Variants in HPSE2 observed in about 807,000 individuals in gnomAD.
The protein encoded by HPSE2 is heparanase 2 (inactive).
Under a neutral mutation model 60.5 loss-of-function variants are expected in HPSE2, and 38 were observed. The observed-to-expected ratio is 0.63, with a 90% CI of 0.48 to 0.82. The LOEUF is 0.82. HPSE2 is among the 40% of genes least tolerant of loss of function. HPSE2 has a pLI of 0.00. For missense variants in HPSE2, 713 were observed against 740.4 expected, an observed-to-expected ratio of 0.96 and a Z score of 0.43; for synonymous variants, 295 against 293.2, an observed-to-expected ratio of 1.01 and a Z score of -0.06.
chr10:98,814,326 T>C (rs1951236784), intron 3 of HPSE2, among the ~76,000 whole-genome samples: 1 of 152,248 alleles, frequency 6.6e-6, no homozygotes, highest in Admixed American at 6.5e-5. Context: ...CTAAACTCAC[T>C]TATTAGTCCT....
intron 11 of HPSE2, among the ~76,000 whole-genome samples, chr10:98,476,244 G>A (rs1194327937): frequency 6.1e-5 from 9 of 146,584 alleles, no homozygotes; most frequent in African/African-American, 7.7e-5. Flanking sequence ...AACACTGCAT[G>A]TTCTCACTCA....
intron 3 of HPSE2, among the ~76,000 whole-genome samples, chr10:98,855,664 A>G (rs925633715): frequency 6.6e-6 from 1 of 152,138 alleles, no homozygotes; most frequent in African/African-American, 2.4e-5. Context: ...GAATGAAACA[A>G]AAATGACTGA....
upstream of HPSE2, among the ~76,000 whole-genome samples, chr10:99,238,807 T>A (rs562111582): frequency 6.6e-6 from 1 of 152,306 alleles, no homozygotes; most frequent in East Asian, 1.9e-4. Flanking sequence ...GCAATCTGCA[T>A]CTCTGTTTTG....
the HPSE2 span, among the ~76,000 whole-genome samples, chr10:99,244,312 C>T: frequency 1.3e-5 from 2 of 151,700 alleles, no homozygotes; most frequent in Non-Finnish European, 2.9e-5. Flanking sequence ...CCACCACGCC[C>T]GGCCTACAAC....
intron 4 of HPSE2, among the ~76,000 whole-genome samples, chr10:98,724,829 T>C (rs1949027688): frequency 6.6e-6 from 1 of 152,122 alleles, no homozygotes; most frequent in Non-Finnish European, 1.5e-5. Context: ...TCACAAGCAT[T>C]CTTATACACC....
chr10:99,311,829 A>C, the HPSE2 span, among the ~76,000 whole-genome samples: 1 of 152,252 alleles, frequency 6.6e-6, no homozygotes, highest in Non-Finnish European at 1.5e-5. Flanking sequence ...TCTTGTGCCA[A>C]AGTTAGCCAA....
At chr10:98,650,142 C>T (rs895398920) in intron 6 of HPSE2, among the ~76,000 whole-genome samples, 2 of 152,186 alleles carry the variant, frequency 1.3e-5, no homozygotes, top group East Asian at 1.9e-4. Flanking sequence ...AGGTGTTTTT[C>T]ACTTTTGAGC....
intron 6 of HPSE2, among the ~76,000 whole-genome samples, chr10:98,678,491 C>T (rs938307902): frequency 1.3e-5 from 2 of 152,116 alleles, no homozygotes; most frequent in African/African-American, 4.8e-5. Context: ...TCAGGTGATG[C>T]TGATCTAGAA....
At chr10:99,154,427 A>G (rs1363242467) in intron 2 of HPSE2, among the ~76,000 whole-genome samples, 1 of 67,400 alleles carries the variant, frequency 1.5e-5, no homozygotes, top group Non-Finnish European at 3.8e-5. Context: ...TACAAGCCAG[A>G]AGAGAGTGGG....
chr10:99,018,410 T>G (rs1957189533), intron 3 of HPSE2, among the ~76,000 whole-genome samples: 1 of 152,176 alleles, frequency 6.6e-6, no homozygotes, highest in South Asian at 2.1e-4. Flanking sequence ...GGGAAAGATT[T>G]AAACATGCTT....
At chr10:98,766,986 A>G (rs1246073125) in intron 3 of HPSE2, among the ~76,000 whole-genome samples, 3 of 152,198 alleles carry the variant, frequency 2.0e-5, no homozygotes, top group Admixed American at 2.0e-4. Context: ...TCACCATATT[A>G]ACAGACTACA....
At chr10:99,312,920 T>C in the HPSE2 span, among the ~76,000 whole-genome samples, 1 of 152,206 alleles carries the variant, frequency 6.6e-6, no homozygotes, top group Non-Finnish European at 1.5e-5. Flanking sequence ...GGGCTTCTCA[T>C]GAATGGCTCA....
intron 9 of HPSE2, among the ~76,000 whole-genome samples, chr10:98,495,499 T>C (rs552534341): frequency 6.6e-6 from 1 of 152,296 alleles, no homozygotes; most frequent in Admixed American, 6.5e-5. Context: ...CTTCTGGGAC[T>C]CCCACAGTGT....
intron 2 of HPSE2, among the ~76,000 whole-genome samples, chr10:99,185,040 C>A (rs777189838): frequency 2.6e-5 from 4 of 151,704 alleles, no homozygotes; most frequent in Non-Finnish European, 5.9e-5. Context: ...TGCTTCACAC[C>A]TGTAATCCCA....
chr10:99,035,143 T>C (rs1321444984), intron 3 of HPSE2, among the ~76,000 whole-genome samples: 1 of 152,238 alleles, frequency 6.6e-6, no homozygotes, highest in Admixed American at 6.5e-5. Context: ...TTAACGTTTT[T>C]ACTTTATAAA....
At chr10:99,262,047 G>A in the HPSE2 span, among the ~76,000 whole-genome samples, 150 of 152,226 alleles carry the variant, frequency 9.9e-4, no homozygotes, top group Middle Eastern at 0.01. Context: ...AGATCTTCTC[G>A]GCTTAGTGGC....
chr10:98,913,081 AAAAAT>A (rs1954025115), intron 3 of HPSE2, among the ~76,000 whole-genome samples: 1 of 152,214 alleles, frequency 6.6e-6, no homozygotes, highest in African/African-American at 2.4e-5. Flanking sequence ...CACAAAAATA[AAAAAT>A]AAAATAAATA....
rs1035673792 is a variant in HPSE2, at chr10:98,483,146, T to C, written c.1467-364A>G. Among the ~76,000 whole-genome samples the C allele has an allele frequency of 2.0e-5, 3 of 152,216 alleles. No homozygotes were observed. In the South Asian group the frequency reaches 6.2e-4, roughly 32 times the overall value. On this transcript the variant is annotated intron_variant, in intron 10 of 11. Transcript: ENST00000370552. The stretch of plus-strand genomic sequence containing the variant: ...AAGAAAATTCCCCATAACCCTCATA[T>C]CTTGAGATATGATAATATTTTGGCA...
chr10:98,937,218 G>A lies in HPSE2; in HGVS notation c.611-193162C>T, dbSNP rs1376422059. Among the ~76,000 whole-genome samples the A allele has an allele frequency of 7.0e-5, 10 of 143,848 alleles. 3 individuals are homozygous for A. The highest frequency in any genetic ancestry group is 2.5e-4 in the African/African-American group (9 of 35,454). The allele number at this position is 143,848 out of a possible 152,430, so 94.4% of individuals were successfully genotyped here. ...GGTACCAGGTTCATCTCACTAGGGA[G>A]TGCCAGACAGTGGGCGCAGGACAGT... On this transcript the variant is annotated intron_variant, in intron 3 of 11. Transcript: ENST00000370552.
Sources: gnomAD v4.1 joint callset for allele counts (sites outside exome capture counted in the v4.1 genomes callset) on GRCh38, gnomAD v4.1.1 for gene constraint, MANE v1.5 for transcripts, NCBI Gene and HGNC (gene_info 2026-07-23, HGNC 2026-07-21) for gene names.